The following DMBT1 variants were observed in gnomAD, a reference collection of about 807,000 sequenced individuals.
DMBT1 encodes the protein deleted in malignant brain tumors 1.
DMBT1 carries 198 observed loss-of-function variants against 252.9 expected under a neutral mutation model. That is an observed-to-expected ratio of 0.78 (90% confidence interval 0.70 to 0.88). The LOEUF is 0.88. DMBT1 is among the 40% of genes least tolerant of loss of function. DMBT1 has a pLI of 0.00. For missense variants in DMBT1, 2,432 were observed against 2,404.7 expected, an observed-to-expected ratio of 1.01 and a Z score of -0.24; for synonymous variants, 990 against 942.7, an observed-to-expected ratio of 1.05 and a Z score of -0.92.
In DMBT1 at chr10:122,592,395, C is replaced by A; in HGVS notation, c.2300C>A (p.Ala767Asp). ...VCDDSWDTND[A>D]NVVCRQLGCG... ...GATGACAGCTGGGATACCAATGATG[C>A]CAATGTGGTCTGCAGGCAGCTGGGC... is the stretch of plus-strand genomic sequence containing the variant. Residue 767 changes from alanine to aspartate, a missense_variant, in exon 20 of 56, where the codon GCC (alanine) becomes GAC (aspartate). Transcript: ENST00000338354. 1 of 1,588,434 alleles carries A rather than the reference C, an allele frequency of 6.3e-7. No individual in the cohort carries two copies. The highest frequency in any genetic ancestry group is 8.6e-7 in the Non-Finnish European group (1 of 1,165,806).
At chr10:122,623,438 G>T (rs528449045) in intron 44 of DMBT1, among the ~76,000 whole-genome samples, 1 of 152,140 alleles carries the variant, frequency 6.6e-6, no homozygotes, top group South Asian at 2.1e-4. Flanking sequence ...GGGATTGCTC[G>T]GTAATAGGGT....
chr10:122,576,845 T>G (rs1219798439), intron 7 of DMBT1, 123 bp downstream of exon 7: 10 of 1,185,514 alleles, frequency 8.4e-6, no homozygotes, highest in African/African-American at 3.0e-5. Context: ...CTAGGCAAGA[T>G]GGCAAACCCC....
intron 11 of DMBT1, among the ~76,000 whole-genome samples, chr10:122,581,588 G>A (rs2097768965): frequency 6.8e-6 from 1 of 147,222 alleles, no homozygotes; most frequent in African/African-American, 2.6e-5. Context: ...TTACAGAAAT[G>A]GAGGGCTCAG....
At chr10:122,617,900 T>A in intron 40 of DMBT1, 117 bp from the exon 41 acceptor site, 2 of 1,519,224 alleles carry the variant, frequency 1.3e-6, no homozygotes, top group Non-Finnish European at 1.8e-6. Flanking sequence ...TTGTATGCAA[T>A]TGTGACTGCT....
rs371192521 is a variant in DMBT1 at position 122,598,959 on chromosome 10, T to A, written c.3142T>A (p.Phe1048Ile). Residue 1048 changes from phenylalanine (F) to isoleucine (I), a missense_variant, in exon 26 of 56, where the codon TTT becomes ATT. Coordinates refer to ENST00000338354, the MANE Select transcript of DMBT1 (RefSeq NM_001377530.1). ...WAMSAPGNAR[F>I]GQGSGPIVLD... ...CATGTCAGCCCCAGGAAATGCCCGG[T>A]TTGGTCAGGGCTCAGGACCCATTGT... 71 of 1,613,526 alleles carry A rather than the reference T, an allele frequency of 4.4e-5. No individual in the cohort carries two copies. Among genetic ancestry groups the A allele is most frequent in the Middle Eastern group, 1.6e-4 (1 of 6,070 alleles).
intron 54 of DMBT1, 89 bp from the exon 55 acceptor site, chr10:122,639,951 C>T (rs2261655): frequency 0.46 from 666,386 of 1,457,604 alleles, 161,991 homozygotes; most frequent in African/African-American, 0.84. Context: ...TGTTGAGTCA[C>T]GTCCCTCTCA....
intron 25 of DMBT1, 141 bp from the exon 26 acceptor site, chr10:122,598,633 A>T: frequency 6.5e-7 from 1 of 1,530,446 alleles, no homozygotes; most frequent in South Asian, 1.3e-5. Context: ...ATGAAGCTGA[A>T]TCTCTGATTT....
At chr10:122,635,955 G>C in intron 52 of DMBT1, 36 bp from the exon 53 acceptor site, 3 of 1,609,550 alleles carry the variant, frequency 1.9e-6, no homozygotes, top group Non-Finnish European at 2.5e-6. Context: ...AATTCTGGGA[G>C]GAAATGAAGC....
chr10:122,631,317 G>A, intron 49 of DMBT1, 36 bp downstream of exon 49: 3 of 1,602,100 alleles, frequency 1.9e-6, no homozygotes, highest in Middle Eastern at 1.7e-4. Flanking sequence ...CATTTCACCT[G>A]TAACTTGCTA....
At position 122,617,734 on chromosome 10, in the gene DMBT1, A is replaced by C. The variant is rs1191688561; in HGVS notation, c.4892-283A>C. ...CTGCTCTCTGGAGCTGTGGAGCTCC[A>C]TCCTGTGTGTGCCCAGAGTAGGGAG... On this transcript the variant is annotated intron_variant, in intron 40 of 55. Coordinates refer to ENST00000338354, the MANE Select transcript of DMBT1 (RefSeq NM_001377530.1). Among the ~76,000 whole-genome samples the C allele has an allele frequency of 2.6e-5, 4 of 151,718 alleles. No homozygotes were observed. The South Asian group carries it at 6.3e-4, about 24-fold the overall frequency.
chr10:122,593,610 G>T lies in DMBT1; in HGVS notation c.2530+12G>T, dbSNP rs772095075. On this transcript the variant is annotated intron_variant, in intron 21 of 55. Coordinates refer to ENST00000338354, the MANE Select transcript of DMBT1 (RefSeq NM_001377530.1). ...GACACCCAGTCCAGGTAGGTCCCCAGTGTCCTTCCTCAAAATGTCCCTTCT... is the reference window on the plus strand; with the variant it reads ...GACACCCAGTCCAGGTAGGTCCCCATTGTCCTTCCTCAAAATGTCCCTTCT... 3.2e-6 allele frequency: 5 copies of T among 1,586,100 alleles called. No homozygotes were observed. The highest frequency in any genetic ancestry group is 3.4e-6 in the Non-Finnish European group (4 of 1,163,964).
chr10:122,560,898 T>A, intron 1 of DMBT1, 67 bp downstream of exon 1: 1 of 1,222,356 alleles, frequency 8.2e-7, no homozygotes, highest in Non-Finnish European at 1.2e-6. Flanking sequence ...AAATTATATC[T>A]ACTACTTTCC....
In DMBT1 at chr10:122,619,454, T is replaced by C. The variant is rs1013666357; in HGVS notation, c.5245+117T>C. 7 of 1,362,234 alleles carry C rather than the reference T, an allele frequency of 5.1e-6. No homozygotes were observed. The Admixed American group carries it at 1.2e-4, about 24-fold the overall frequency. The allele number at this position is 1,362,234 out of a possible 1,614,324, so 84.4% of individuals were successfully genotyped here. On this transcript the variant is annotated intron_variant, in intron 42 of 55. Transcript: ENST00000338354. Reference sequence around the variant, plus strand: ...CGGATACTGTGGGGCATATTATTTTTCCTCCCACCACTCTGTAACTGAGAC... The same window carrying C: ...CGGATACTGTGGGGCATATTATTTTCCCTCCCACCACTCTGTAACTGAGAC...
Position 122,640,581 on chromosome 10 carries a change from T to C in DMBT1, c.7352+132T>C, listed in dbSNP as rs113334258. 6.0e-6 allele frequency: 6 copies of C among 992,468 alleles called. No individual in the cohort carries two copies. In the African/African-American group the frequency reaches 8.2e-5, roughly 14 times the overall value. 61.5% of individuals were successfully genotyped at this position (992,468 alleles called of 1,614,324 possible). A position where few individuals can be genotyped will look rare whatever the true frequency, so the allele number is the denominator to read the frequency against. On this transcript the variant is annotated intron_variant, in intron 55 of 55. Transcript: ENST00000338354. Reference sequence around the variant, plus strand: ...GTACTTCCAGCTTAACTGGATCCCTTTCTACATGTAGTGATGTCCTGTAGC... The same window carrying C: ...GTACTTCCAGCTTAACTGGATCCCTCTCTACATGTAGTGATGTCCTGTAGC...
intron 27 of DMBT1, among the ~76,000 whole-genome samples, chr10:122,600,760 A>T (rs1050270198): frequency 2.0e-5 from 3 of 152,178 alleles, no homozygotes; most frequent in Admixed American, 2.0e-4. Flanking sequence ...TCTAAGAGAT[A>T]GAAAGATACC....
At chr10:122,600,832 G>C (rs1244222457) in intron 27 of DMBT1, among the ~76,000 whole-genome samples, 159 bp from the exon 28 acceptor site, 1 of 152,138 alleles carries the variant, frequency 6.6e-6, no homozygotes, top group African/African-American at 2.4e-5. Context: ...CCGTGGATGA[G>C]TTCACAGCAG....
rs372852950 is a variant in DMBT1, at chr10:122,565,682, C to T, written c.62-285C>T. On this transcript the variant is annotated intron_variant, in intron 1 of 55. Transcript: ENST00000338354. ...TCTTCTCTTGTCCAGCCCTTCTTTC[C>T]AAGCATAGATTACATCCTGTCACCA... is the stretch of plus-strand genomic sequence containing the variant. 3.7e-4 allele frequency among the ~76,000 whole-genome samples: 57 copies of T among 152,322 alleles called. 1 individual carries two copies. The highest frequency in any genetic ancestry group is 1.3e-3 in the African/African-American group (53 of 41,572).
intron 6 of DMBT1, among the ~76,000 whole-genome samples, chr10:122,574,907 A>G (rs760165002): frequency 5.3e-5 from 8 of 152,168 alleles, no homozygotes; most frequent in Middle Eastern, 3.2e-3. Flanking sequence ...CATTTCTTCT[A>G]GATCTGGAGA....
Position 122,619,290 on chromosome 10 carries a change from C to T in DMBT1, c.5216-18C>T, listed in dbSNP as rs771912918. 1.2e-6 allele frequency: 2 copies of T among 1,613,812 alleles called. No individual in the cohort carries two copies. Among genetic ancestry groups the T allele is most frequent in the South Asian group, 2.2e-5 (2 of 91,088 alleles). On this transcript the variant is annotated intron_variant, in intron 41 of 55. Transcript: ENST00000338354. Reference sequence around the variant, plus strand: ...TGTATAGTGCATCTGATCTGACCTTCTCTTCTCTTTCTCACAGCTGCTCAG... The same window carrying T: ...TGTATAGTGCATCTGATCTGACCTTTTCTTCTCTTTCTCACAGCTGCTCAG...
Sources: allele counts gnomAD v4.1 joint callset (sites outside exome capture counted in the v4.1 genomes callset), GRCh38; gene constraint gnomAD v4.1.1; transcripts MANE v1.5; gene names NCBI Gene and HGNC (gene_info 2026-07-23, HGNC 2026-07-21).